The following MAP3K7CL variants were observed in gnomAD, a reference collection of about 807,000 sequenced individuals.
The protein encoded by MAP3K7CL is MAP3K7 C-terminal like.
In MAP3K7CL, 16 loss-of-function variants were observed where a neutral mutation model predicts 18.6. The observed-to-expected ratio is 0.86, with a 90% confidence interval of 0.58 to 1.31. The LOEUF (loss-of-function observed/expected upper bound fraction) is 1.31, where lower values mean the gene tolerates loss of function less well. MAP3K7CL is among the 50% of genes most tolerant of loss of function. MAP3K7CL has a pLI of 0.00. For synonymous variants in MAP3K7CL, 65 were observed against 66.8 expected, an observed-to-expected ratio of 0.97 and a Z score of 0.13; for missense variants, 163 against 174.4, an observed-to-expected ratio of 0.93 and a Z score of 0.37.
intron 2 of MAP3K7CL, among the ~76,000 whole-genome samples, chr21:29,145,140 A>G (rs903441568): frequency 6.6e-6 from 1 of 152,240 alleles, no homozygotes; most frequent in African/African-American, 2.4e-5. Context: ...TCCTTAATGC[A>G]TTAAAAATAT....
intron 3 of MAP3K7CL, among the ~76,000 whole-genome samples, chr21:29,153,931 G>A (rs1326742918): frequency 7.9e-5 from 12 of 152,164 alleles, no homozygotes; most frequent in Non-Finnish European, 1.8e-4. Context: ...ATGCTATAAC[G>A]TGGTCTTAAC....
intron 4 of MAP3K7CL, among the ~76,000 whole-genome samples, chr21:29,165,980 T>A (rs1378738838): frequency 6.6e-6 from 1 of 152,228 alleles, no homozygotes; most frequent in African/African-American, 2.4e-5. Flanking sequence ...CGTATTCATC[T>A]CCTCAAACAT....
At chr21:29,158,658 T>C (rs2087464215) in intron 3 of MAP3K7CL, among the ~76,000 whole-genome samples, 1 of 152,144 alleles carries the variant, frequency 6.6e-6, no homozygotes, top group Non-Finnish European at 1.5e-5. Flanking sequence ...GAAATCTGTG[T>C]CCTTGAAGAA....
intron 4 of MAP3K7CL, among the ~76,000 whole-genome samples, chr21:29,166,557 C>T (rs2087693641): frequency 6.6e-6 from 1 of 152,166 alleles, no homozygotes; most frequent in Non-Finnish European, 1.5e-5. Context: ...CAGTTACGCC[C>T]CACTGACCCT....
At chr21:29,097,237 G>A (rs1208006748) in intron 4 of MAP3K7CL, among the ~76,000 whole-genome samples, 1 of 152,038 alleles carries the variant, frequency 6.6e-6, no homozygotes, top group Non-Finnish European at 1.5e-5. Flanking sequence ...GAGGGAGTAT[G>A]CATACTATGG....
At chr21:29,077,888 C>T (rs2085775083) in intron 1 of MAP3K7CL, among the ~76,000 whole-genome samples, 1 of 152,182 alleles carries the variant, frequency 6.6e-6, no homozygotes, top group South Asian at 2.1e-4. Context: ...GAAAACATGG[C>T]CTCCAGCCTC....
chr21:29,152,529 A>C (rs186142640), intron 3 of MAP3K7CL, among the ~76,000 whole-genome samples: 2 of 152,298 alleles, frequency 1.3e-5, no homozygotes, highest in Admixed American at 1.3e-4. Context: ...TGTGGTTGCA[A>C]CTATTTGCTT....
intron 4 of MAP3K7CL, among the ~76,000 whole-genome samples, chr21:29,099,096 T>C (rs2086174114): frequency 6.6e-6 from 1 of 151,950 alleles, no homozygotes; most frequent in Admixed American, 6.6e-5. Context: ...TTTCTTTTCT[T>C]TTCTTTTCTT....
At chr21:29,166,765 C>A (rs1014141479) in intron 4 of MAP3K7CL, among the ~76,000 whole-genome samples, 5 of 152,156 alleles carry the variant, frequency 3.3e-5, no homozygotes, top group Non-Finnish European at 7.3e-5. Flanking sequence ...GAATAATATT[C>A]CATTGTATGA....
intron 4 of MAP3K7CL, among the ~76,000 whole-genome samples, chr21:29,164,521 CTCTCAT>C: frequency 6.6e-6 from 1 of 152,350 alleles, no homozygotes; most frequent in East Asian, 1.9e-4. Flanking sequence ...CTGAACTTCT[CTCTCAT>C]CTCCAGAGGA....
At chr21:29,168,070 G>A (rs2087736200) in intron 4 of MAP3K7CL, among the ~76,000 whole-genome samples, 2 of 152,072 alleles carry the variant, frequency 1.3e-5, no homozygotes, top group African/African-American at 4.8e-5. Flanking sequence ...GGATTCCACA[G>A]CAGGGTAACA....
At chr21:29,154,534 C>T (rs906294720) in intron 3 of MAP3K7CL, among the ~76,000 whole-genome samples, 1 of 152,032 alleles carries the variant, frequency 6.6e-6, no homozygotes. Context: ...CTGATGTCAC[C>T]TCCACAAATA....
upstream of MAP3K7CL, among the ~76,000 whole-genome samples, chr21:29,083,917 C>T (rs1323599733): frequency 6.8e-6 from 1 of 147,654 alleles, no homozygotes; most frequent in African/African-American, 2.5e-5. Flanking sequence ...ATATATATCT[C>T]TGTTTTACTA....
Position 29,146,211 on chromosome 21 carries a change from C to T in MAP3K7CL, c.71-2978C>T, listed in dbSNP as rs117839338. Among the ~76,000 whole-genome samples, 33 of 152,262 alleles carry T rather than the reference C, an allele frequency of 2.2e-4. 1 individual carries two copies. The East Asian group carries it at 6.4e-3, about 29-fold the overall frequency. On this transcript the variant is annotated intron_variant, in intron 2 of 4. Transcript: ENST00000399928. Reference sequence around the variant, plus strand: ...TCTCATACTTTACAGAGTGGTTTCTCCTTCCAACAAGTGCCTGCTTGTCTA... The same window carrying T: ...TCTCATACTTTACAGAGTGGTTTCTTCTTCCAACAAGTGCCTGCTTGTCTA...
chr21:29,097,608 A>G (rs775269327), intron 4 of MAP3K7CL, among the ~76,000 whole-genome samples: 101 of 151,410 alleles, frequency 6.7e-4, no homozygotes, highest in Non-Finnish European at 1.1e-3. Flanking sequence ...TTTTTTTTTT[A>G]TTAGTCATTT....
chr21:29,132,302 A>C (rs2086794580), intron 1 of MAP3K7CL, among the ~76,000 whole-genome samples: 1 of 151,694 alleles, frequency 6.6e-6, no homozygotes, highest in Admixed American at 6.6e-5. Flanking sequence ...TTTTTTTTCC[A>C]TTCATTCTAC....
intron 1 of MAP3K7CL, among the ~76,000 whole-genome samples, chr21:29,090,444 A>G (rs865915697): frequency 2.0e-5 from 3 of 151,956 alleles, no homozygotes. Flanking sequence ...GCAGTGGTGC[A>G]ATCTCAGCTC....
At chr21:29,153,152 ACATTT>A (rs2087316837) in intron 3 of MAP3K7CL, among the ~76,000 whole-genome samples, 1 of 152,216 alleles carries the variant, frequency 6.6e-6, no homozygotes, top group African/African-American at 2.4e-5. Context: ...GCAGTGAAAA[ACATTT>A]CTCTTGATGT....
intron 4 of MAP3K7CL, among the ~76,000 whole-genome samples, chr21:29,114,683 A>T (rs2086475992): frequency 6.6e-6 from 1 of 152,194 alleles, no homozygotes; most frequent in African/African-American, 2.4e-5. Context: ...GAGCCACTGC[A>T]CCTGGCTATG....
Sources: gnomAD v4.1 joint callset for allele counts (sites outside exome capture counted in the v4.1 genomes callset) on GRCh38, gnomAD v4.1.1 for gene constraint, MANE v1.5 for transcripts, NCBI Gene and HGNC (gene_info 2026-07-23, HGNC 2026-07-21) for gene names.